TMC1: variants seen among roughly 807,000 people sequenced by gnomAD.
TMC1 encodes the protein transmembrane channel-like protein 1.
Under a neutral mutation model 105.8 loss-of-function variants are expected in TMC1, and 84 were observed. The observed-to-expected ratio is 0.79, with a 90% confidence interval of 0.67 to 0.95. TMC1 has a LOEUF of 0.95. Ranked by LOEUF, TMC1 falls within the 40% of genes least tolerant of loss-of-function variation. The probability of loss-of-function intolerance (pLI) is 0.00; values close to 1 mark genes in which losing one functional copy is unlikely to be tolerated. For missense variants in TMC1, 817 were observed against 914.1 expected (o/e 0.89, Z 1.37); for synonymous variants, 315 against 311.5 (o/e 1.01, Z -0.12).
chr9:72,719,371 C>T (rs905441661), intron 8 of TMC1, among the ~76,000 whole-genome samples: 1 of 152,172 alleles, frequency 6.6e-6, no homozygotes, highest in Non-Finnish European at 1.5e-5. Flanking sequence ...TTTCCTGTGG[C>T]TTCTTCTACC....
intron 8 of TMC1, among the ~76,000 whole-genome samples, chr9:72,707,559 T>G (rs1826764383): frequency 6.6e-6 from 1 of 152,234 alleles, no homozygotes; most frequent in South Asian, 2.1e-4. Flanking sequence ...GTATATCTTC[T>G]TTTGAAAATT....
intron 5 of TMC1, among the ~76,000 whole-genome samples, chr9:72,681,031 C>T (rs1455915945): frequency 6.6e-6 from 1 of 152,012 alleles, no homozygotes; most frequent in Admixed American, 6.6e-5. Flanking sequence ...CCTTTTTGTC[C>T]TAAATAACCC....
chr9:72,824,004 T>C (rs190951293), intron 20 of TMC1, among the ~76,000 whole-genome samples: 175 of 152,356 alleles, frequency 1.1e-3, no homozygotes, highest in Middle Eastern at 3.4e-3. Flanking sequence ...ACACAGGATG[T>C]TTCTCAGCCT....
intron 5 of TMC1, among the ~76,000 whole-genome samples, chr9:72,649,728 G>T (rs535439784): frequency 2.1e-4 from 32 of 152,130 alleles, no homozygotes; most frequent in Non-Finnish European, 3.4e-4. Context: ...ACAGGGTGGC[G>T]TGGTTTTTCA....
At chr9:72,810,284 G>C (rs1329056378) in intron 18 of TMC1, among the ~76,000 whole-genome samples, 1 of 152,126 alleles carries the variant, frequency 6.6e-6, no homozygotes, top group Non-Finnish European at 1.5e-5. Flanking sequence ...ACCTGAGATA[G>C]GCAGAGGACA....
At chr9:72,680,012 A>C (rs1826261915) in intron 5 of TMC1, among the ~76,000 whole-genome samples, 1 of 152,110 alleles carries the variant, frequency 6.6e-6, no homozygotes, top group Non-Finnish European at 1.5e-5. Flanking sequence ...CGGGGGCAGA[A>C]ATAATATTTC....
intron 8 of TMC1, among the ~76,000 whole-genome samples, chr9:72,725,340 T>C (rs1588051389): frequency 9.2e-6 from 1 of 108,910 alleles, no homozygotes; most frequent in African/African-American, 3.8e-5. Flanking sequence ...TATATATATA[T>C]ATATATATAT....
At chr9:72,544,831 T>A (rs1391418705) in intron 1 of TMC1, among the ~76,000 whole-genome samples, 1 of 150,936 alleles carries the variant, frequency 6.6e-6, no homozygotes, top group Non-Finnish European at 1.5e-5. Flanking sequence ...AACAGGTAGT[T>A]TTTGGTTACG....
At chr9:72,737,370 A>T (rs1435531840) in intron 8 of TMC1, among the ~76,000 whole-genome samples, 1 of 152,172 alleles carries the variant, frequency 6.6e-6, no homozygotes, top group Non-Finnish European at 1.5e-5. Flanking sequence ...CACATCTATG[A>T]TCCCACCTTG....
chr9:72,679,880 T>C (rs1280437527), intron 5 of TMC1, among the ~76,000 whole-genome samples: 1 of 152,064 alleles, frequency 6.6e-6, no homozygotes, highest in African/African-American at 2.4e-5. Context: ...AGAGGTCTTA[T>C]CAGATAAAAA....
At chr9:72,592,333 TACAGATATA>T (rs1474949112) in intron 2 of TMC1, among the ~76,000 whole-genome samples, 3 of 152,170 alleles carry the variant, frequency 2.0e-5, no homozygotes, top group African/African-American at 7.2e-5. Context: ...GGAAGATCAT[TACAGATATA>T]AACTTGGGGA....
Position 72,700,646 on chromosome 9 carries a change from A to G in TMC1, c.362+3A>G, listed in dbSNP as rs1192242559. 1.9e-6 allele frequency: 3 copies of G among 1,581,616 alleles called. No individual in the cohort carries two copies. Among genetic ancestry groups the G allele is most frequent in the Non-Finnish European group, 2.6e-6 (3 of 1,158,830 alleles). ...GAGAAGAAAATTGAAGTTCTCAAGT[A>G]TGGTGCCACTTTTTATAAGTAGAAA... On this transcript the variant is annotated splice_donor_region_variant and intron_variant, in intron 8 of 23. Coordinates refer to ENST00000297784, the MANE Select transcript of TMC1 (RefSeq NM_138691.3).
intron 2 of TMC1, among the ~76,000 whole-genome samples, chr9:72,594,139 AAT>A (rs1824682626): frequency 6.6e-6 from 1 of 152,202 alleles, no homozygotes; most frequent in Non-Finnish European, 1.5e-5. Flanking sequence ...ACAGGAGAAA[AAT>A]ATATGAGTTT....
In TMC1 at chr9:72,660,033, CCTT is replaced by C. The variant is rs1358293816; in HGVS notation, c.16+11372_16+11374del. Among the ~76,000 whole-genome samples, 4 of 152,154 alleles carry C rather than the reference CCTT, an allele frequency of 2.6e-5. No individual in the cohort carries two copies. In the South Asian group the frequency reaches 8.3e-4, roughly 32 times the overall value. On this transcript the variant is annotated intron_variant, in intron 5 of 23. Transcript: ENST00000297784. ...AGTCTACCTTATTCCTCCTGCCTGT[CCTT>C]CTCCTTGAGGAGGAGGATCATCAAT...
chr9:72,631,935 T>C (rs1825459246), intron 4 of TMC1, among the ~76,000 whole-genome samples: 1 of 152,190 alleles, frequency 6.6e-6, no homozygotes, highest in Non-Finnish European at 1.5e-5. Context: ...ATAGGAAGAA[T>C]AGTGAACGGT....
intron 12 of TMC1, among the ~76,000 whole-genome samples, chr9:72,770,461 T>G (rs1259641168): frequency 2.1e-5 from 3 of 143,928 alleles, no homozygotes; most frequent in African/African-American, 7.7e-5. Flanking sequence ...CTTTGTCACC[T>G]AGGCTGCAGT....
chr9:72,669,415 G>A lies in TMC1; in HGVS notation c.17-19294G>A, dbSNP rs560967395. Among the ~76,000 whole-genome samples, 13 of 152,118 alleles carry A rather than the reference G, an allele frequency of 8.5e-5. No homozygotes were observed. In the East Asian group the frequency reaches 1.5e-3, roughly 18 times the overall value. On this transcript the variant is annotated intron_variant, in intron 5 of 23. Transcript: ENST00000297784. ...ATCTAGATATGACTGCAAAAATTTT[G>A]GCATATTTCATTTCAGCTTTTAATT...
At chr9:72,834,683 T>C (rs1057410909) in intron 23 of TMC1, among the ~76,000 whole-genome samples, 2 of 152,182 alleles carry the variant, frequency 1.3e-5, no homozygotes, top group Non-Finnish European at 2.9e-5. Flanking sequence ...GCACTCCTTG[T>C]GGTCTTCTAA....
chr9:72,802,764 C>T (rs1315843613), intron 17 of TMC1, among the ~76,000 whole-genome samples: 2 of 152,170 alleles, frequency 1.3e-5, no homozygotes, highest in Non-Finnish European at 1.5e-5. Context: ...ATTCCATGCT[C>T]ATGGATAGGA....
Sources: gnomAD v4.1 joint callset for allele counts (sites outside exome capture counted in the v4.1 genomes callset) on GRCh38, gnomAD v4.1.1 for gene constraint, MANE v1.5 for transcripts, NCBI Gene and HGNC (gene_info 2026-07-23, HGNC 2026-07-21) for gene names.